LSAMP: variants seen among roughly 807,000 people sequenced by gnomAD.
LSAMP encodes limbic system-associated membrane protein.
Under a neutral mutation model 38.6 loss-of-function variants are expected in LSAMP, and 7 were observed. The observed-to-expected ratio is 0.18, with a 90% CI of 0.10 to 0.34. The LOEUF is 0.34. Among genes scored for constraint, LSAMP ranks in the 10% least tolerant of loss-of-function variants. The pLI is 1.00. For synonymous variants in LSAMP, 154 were observed against 166.8 expected (o/e 0.92, Z 0.59); for missense variants, 313 against 420.0 (o/e 0.75, Z 2.23).
At chr3:115,886,479 G>A (rs1936457135) in intron 3 of LSAMP, among the ~76,000 whole-genome samples, 1 of 151,946 alleles carries the variant, frequency 6.6e-6, no homozygotes, top group African/African-American at 2.4e-5. Context: ...TTATTTAGTT[G>A]AAAGAATCTA....
intron 4 of LSAMP, among the ~76,000 whole-genome samples, chr3:115,844,832 C>T (rs1053301862): frequency 2.0e-5 from 3 of 152,022 alleles, no homozygotes; most frequent in South Asian, 2.1e-4. Flanking sequence ...AAAAAACTAG[C>T]CGGGTGTGGT....
At chr3:115,898,585 T>G (rs1054868178) in intron 3 of LSAMP, among the ~76,000 whole-genome samples, 1 of 139,884 alleles carries the variant, frequency 7.1e-6, no homozygotes, top group Non-Finnish European at 1.5e-5. Context: ...ATTGCCTCAT[T>G]TGCATGAAGA....
At chr3:116,315,539 C>G (rs2047617187) in intron 1 of LSAMP, among the ~76,000 whole-genome samples, 1 of 152,120 alleles carries the variant, frequency 6.6e-6, no homozygotes, top group Non-Finnish European at 1.5e-5. Context: ...CCATTGATTA[C>G]AGAAAGACAG....
chr3:115,998,379 G>T (rs1408623489), intron 3 of LSAMP, among the ~76,000 whole-genome samples: 1 of 152,124 alleles, frequency 6.6e-6, no homozygotes. Context: ...ATACCAGTGG[G>T]TGGATTGCTG....
At chr3:116,280,269 TCA>T (rs2047111455) in intron 1 of LSAMP, among the ~76,000 whole-genome samples, 1 of 152,180 alleles carries the variant, frequency 6.6e-6, no homozygotes, top group Non-Finnish European at 1.5e-5. Context: ...GCATATATTT[TCA>T]CTACAGAGAT....
At chr3:115,948,039 C>T (rs1009542105) in intron 3 of LSAMP, among the ~76,000 whole-genome samples, 2 of 152,122 alleles carry the variant, frequency 1.3e-5, no homozygotes, top group African/African-American at 2.4e-5. Context: ...AATCTTATTA[C>T]CCTAGCATGA....
At chr3:116,280,564 T>G (rs2047115173) in intron 1 of LSAMP, among the ~76,000 whole-genome samples, 1 of 151,728 alleles carries the variant, frequency 6.6e-6, no homozygotes, top group Non-Finnish European at 1.5e-5. Context: ...GGCCAGGGAG[T>G]TTTTAAAATG....
chr3:116,038,817 A>G (rs1389704685), intron 2 of LSAMP, among the ~76,000 whole-genome samples: 2 of 152,220 alleles, frequency 1.3e-5, no homozygotes, highest in Non-Finnish European at 2.9e-5. Context: ...TTATAAGACA[A>G]AAGACTGAGA....
chr3:116,428,639 C>A (rs1041507084), intron 1 of LSAMP, among the ~76,000 whole-genome samples: 3 of 152,016 alleles, frequency 2.0e-5, no homozygotes, highest in East Asian at 1.9e-4. Context: ...AGTTTGGAAC[C>A]TTTGTACTAA....
chr3:116,051,862 G>A (rs950760009), intron 2 of LSAMP, among the ~76,000 whole-genome samples: 5 of 152,056 alleles, frequency 3.3e-5, no homozygotes, highest in African/African-American at 7.2e-5. Context: ...TTTCCTCTGC[G>A]GATGGAGTAA....
At chr3:116,213,305 G>A (rs1331381591) in intron 1 of LSAMP, among the ~76,000 whole-genome samples, 1 of 152,106 alleles carries the variant, frequency 6.6e-6, no homozygotes, top group African/African-American at 2.4e-5. Context: ...TTCCTGTGCT[G>A]GTCTTGTGAT....
At chr3:116,425,828 T>A (rs2049187442) in intron 1 of LSAMP, among the ~76,000 whole-genome samples, 1 of 146,422 alleles carries the variant, frequency 6.8e-6, no homozygotes, top group Non-Finnish European at 1.5e-5. Context: ...TTAAAAAGAG[T>A]AAAATTTAGG....
chr3:116,138,922 A>G (rs1268253857), intron 1 of LSAMP, among the ~76,000 whole-genome samples: 2 of 151,752 alleles, frequency 1.3e-5, no homozygotes, highest in African/African-American at 2.4e-5. Flanking sequence ...ATTTTCAGTA[A>G]GAATCCACCA....
At chr3:115,824,320 C>A (rs1307090536) in intron 6 of LSAMP, among the ~76,000 whole-genome samples, 1 of 152,164 alleles carries the variant, frequency 6.6e-6, no homozygotes, top group Admixed American at 6.5e-5. Flanking sequence ...CTAAAATGCA[C>A]CTTGGCCCTT....
chr3:116,125,632 T>C (rs1708990860), intron 1 of LSAMP, among the ~76,000 whole-genome samples: 1 of 152,140 alleles, frequency 6.6e-6, no homozygotes, highest in Admixed American at 6.6e-5. Context: ...CCTATTTCAG[T>C]TGGATAAACA....
intron 1 of LSAMP, among the ~76,000 whole-genome samples, chr3:116,240,757 G>A (rs553602148): frequency 6.1e-4 from 93 of 152,304 alleles, no homozygotes; most frequent in African/African-American, 2.2e-3. Context: ...TCATTTTCAG[G>A]AATGAGAAGG....
rs1199434535 is a variant in LSAMP, at chr3:116,164,670, AAT to A, written c.156-78116_156-78115del. Among the ~76,000 whole-genome samples, 19 of 132,910 alleles carry A rather than the reference AAT, an allele frequency of 1.4e-4. 2 individuals are homozygous for A. The highest frequency in any genetic ancestry group is 9.5e-4 in the South Asian group (4 of 4,224). The allele number at this position is 132,910 out of a possible 152,430, so 87.2% of individuals were successfully genotyped here. A position where few individuals can be genotyped will look rare whatever the true frequency, so the allele number is the denominator to read the frequency against. ...AATCCAAATATATATATATAATCCA[AAT>A]ATATATATATAATCCAAATATATAT... is the stretch of plus-strand genomic sequence containing the variant. On this transcript the variant is annotated intron_variant, in intron 1 of 6. Transcript: ENST00000490035.
At chr3:116,436,950 T>C (rs1057205275) in intron 1 of LSAMP, among the ~76,000 whole-genome samples, 1 of 151,560 alleles carries the variant, frequency 6.6e-6, no homozygotes, top group Non-Finnish European at 1.5e-5. Flanking sequence ...CAAATGCCCA[T>C]TAATCAACAA....
intron 1 of LSAMP, among the ~76,000 whole-genome samples, chr3:116,395,257 T>C (rs1040144918): frequency 6.6e-6 from 1 of 152,172 alleles, no homozygotes; most frequent in South Asian, 2.1e-4. Context: ...CCATTCCCAG[T>C]GTTCACATTA....
Sources: gnomAD v4.1 joint callset for allele counts (sites outside exome capture counted in the v4.1 genomes callset) on GRCh38, gnomAD v4.1.1 for gene constraint, MANE v1.5 for transcripts, NCBI Gene and HGNC (gene_info 2026-07-23, HGNC 2026-07-21) for gene names.